Variants in TAX1BP1 observed in about 807,000 individuals in gnomAD.
TAX1BP1 encodes tax1-binding protein 1.
Under a neutral mutation model 97.7 loss-of-function variants are expected in TAX1BP1, and 62 were observed. That is an observed-to-expected ratio of 0.63 (90% CI 0.52 to 0.78). The LOEUF is 0.78. TAX1BP1 is among the 30% of genes least tolerant of loss of function. The pLI, the probability that TAX1BP1 is intolerant of heterozygous loss-of-function variation, is 0.00. For synonymous variants in TAX1BP1, 340 were observed against 304.2 expected (o/e 1.12, Z -1.23); for missense variants, 867 against 916.1 (o/e 0.95, Z 0.69).
At chr7:27,820,554 G>A (rs930930502) in intron 15 of TAX1BP1, among the ~76,000 whole-genome samples, 1 of 152,118 alleles carries the variant, frequency 6.6e-6, no homozygotes, top group East Asian at 1.9e-4. Context: ...CACAAAAATA[G>A]TGTGTGATTA....
chr7:27,783,650 C>T (rs758984262), intron 5 of TAX1BP1, among the ~76,000 whole-genome samples: 6 of 152,038 alleles, frequency 3.9e-5, no homozygotes, highest in African/African-American at 1.2e-4. Flanking sequence ...GCTGTATACC[C>T]GTTATAGGGC....
At chr7:27,827,444 A>G (rs79648678) in intron 15 of TAX1BP1, among the ~76,000 whole-genome samples, 2,001 of 152,168 alleles carry the variant, frequency 0.013, 40 homozygotes, top group African/African-American at 0.046. Flanking sequence ...GAAAAGGTCT[A>G]CTGTTCTCAG....
At position 27,796,216 on chromosome 7, in the gene TAX1BP1, G is replaced by T. The variant is rs1160384404; in HGVS notation, c.1635G>T (p.Leu545Phe). 4.4e-6 allele frequency: 7 copies of T among 1,575,434 alleles called. No individual in the cohort carries two copies. In the Admixed American group the frequency reaches 1.0e-4, roughly 23 times the overall value. ...AGTATAATAAATGTAAACAACTCTT[G>T]CAGGTAAGTTAACTACCTTGTAAGT... ...TEKYNKCKQL[L>F]QDEKAKCNKY... The change falls in exon 12 of 17, where the codon TTG becomes TTT. Residue 545 changes from leucine to phenylalanine, a missense_variant. Transcript: ENST00000396319.
intron 15 of TAX1BP1, among the ~76,000 whole-genome samples, chr7:27,820,920 A>G (rs1790947953): frequency 6.6e-6 from 1 of 152,226 alleles, no homozygotes; most frequent in African/African-American, 2.4e-5. Context: ...CAGATTTTGG[A>G]ATATTTGCAT....
intron 1 of TAX1BP1, among the ~76,000 whole-genome samples, chr7:27,747,866 AT>A (rs112229151): frequency 0.011 from 1,528 of 145,498 alleles, 20 homozygotes; most frequent in African/African-American, 0.031. Context: ...GTTGTCATCT[AT>A]TTTTTTTTTT....
At chr7:27,755,016 TATG>T (rs1788158206) in intron 2 of TAX1BP1, among the ~76,000 whole-genome samples, 1 of 152,236 alleles carries the variant, frequency 6.6e-6, no homozygotes, top group Non-Finnish European at 1.5e-5. Context: ...TTATGCTGTT[TATG>T]ATATTTCTCT....
intron 1 of TAX1BP1, among the ~76,000 whole-genome samples, chr7:27,741,070 A>G (rs574438141): frequency 1.3e-5 from 2 of 152,382 alleles, no homozygotes; most frequent in Admixed American, 6.5e-5. Context: ...GTTAGAAAAC[A>G]CTGGCATTTG....
intron 5 of TAX1BP1, among the ~76,000 whole-genome samples, chr7:27,783,913 T>C (rs1272423854): frequency 1.3e-5 from 2 of 152,200 alleles, no homozygotes; most frequent in African/African-American, 4.8e-5. Flanking sequence ...TCTGGTATTA[T>C]GGCATTGGAA....
chr7:27,767,708 G>C (rs570762859), intron 4 of TAX1BP1, among the ~76,000 whole-genome samples: 43 of 152,186 alleles, frequency 2.8e-4, no homozygotes, highest in African/African-American at 9.9e-4. Context: ...CAACAGAAAA[G>C]TGATGGGCAT....
At chr7:27,791,559 T>C (rs1369815413) in intron 8 of TAX1BP1, among the ~76,000 whole-genome samples, 1 of 152,218 alleles carries the variant, frequency 6.6e-6, no homozygotes, top group East Asian at 1.9e-4. Flanking sequence ...TATATTATAT[T>C]GGATGTCTCT....
At chr7:27,773,608 A>G (rs1023352893) in intron 5 of TAX1BP1, among the ~76,000 whole-genome samples, 3 of 152,056 alleles carry the variant, frequency 2.0e-5, no homozygotes, top group African/African-American at 7.2e-5. Context: ...AGGTTCATCC[A>G]TGTTGTAATA....
intron 12 of TAX1BP1, among the ~76,000 whole-genome samples, chr7:27,799,350 C>T (rs1790048812): frequency 6.6e-6 from 1 of 152,136 alleles, no homozygotes; most frequent in Non-Finnish European, 1.5e-5. Context: ...GTAAGTCCTC[C>T]TTTAAGATAA....
At chr7:27,774,977 A>G (rs1425361170) in intron 5 of TAX1BP1, among the ~76,000 whole-genome samples, 2 of 151,480 alleles carry the variant, frequency 1.3e-5, no homozygotes, top group Non-Finnish European at 2.9e-5. Context: ...CAGAAAAAAG[A>G]AGTTTAATAC....
chr7:27,755,188 G>C (rs1309611220), intron 2 of TAX1BP1, among the ~76,000 whole-genome samples: 1 of 152,148 alleles, frequency 6.6e-6, no homozygotes, highest in Non-Finnish European at 1.5e-5. Flanking sequence ...ACCTTCCCCA[G>C]TGATGTCTGT....
chr7:27,800,940 T>G (rs920404450), intron 13 of TAX1BP1, among the ~76,000 whole-genome samples: 2 of 151,912 alleles, frequency 1.3e-5, no homozygotes, highest in African/African-American at 4.8e-5. Flanking sequence ...CTGTCTCTAC[T>G]AAAAATACAA....
chr7:27,766,155 T>A, intron 4 of TAX1BP1, 134 bp downstream of exon 4: 1 of 871,532 alleles, frequency 1.1e-6, no homozygotes, highest in Non-Finnish European at 1.7e-6. Flanking sequence ...GCGCAGTGGC[T>A]CACGCCTGTA....
At chr7:27,802,771 A>T (rs1790189092) in intron 13 of TAX1BP1, among the ~76,000 whole-genome samples, 1 of 152,180 alleles carries the variant, frequency 6.6e-6, no homozygotes, top group South Asian at 2.1e-4. Context: ...GGTTTGGAAG[A>T]AGGTGAGTTT....
At chr7:27,810,858 C>T (rs1279889260) in intron 13 of TAX1BP1, among the ~76,000 whole-genome samples, 1 of 152,036 alleles carries the variant, frequency 6.6e-6, no homozygotes, top group South Asian at 2.1e-4. Context: ...TGTTCTGTAT[C>T]TTTTTATTTA....
intron 5 of TAX1BP1, among the ~76,000 whole-genome samples, chr7:27,784,832 A>T (rs2128315991): frequency 6.6e-6 from 1 of 151,990 alleles, no homozygotes; most frequent in East Asian, 1.9e-4. Context: ...TTAAAAAAAA[A>T]ATTAGCCAGG....
Sources: allele counts gnomAD v4.1 joint callset (sites outside exome capture counted in the v4.1 genomes callset), GRCh38; gene constraint gnomAD v4.1.1; transcripts MANE v1.5; gene names NCBI Gene and HGNC (gene_info 2026-07-23, HGNC 2026-07-21).